The following SOX6 variants were observed in gnomAD, a reference collection of about 807,000 sequenced individuals.
The protein encoded by SOX6 is SRY-box transcription factor 6, also known as transcription factor SOX-6.
SOX6 carries 11 observed loss-of-function variants against 97.8 expected under a neutral mutation model. The observed-to-expected ratio is 0.11, with a 90% CI of 0.07 to 0.19. The LOEUF (loss-of-function observed/expected upper bound fraction) is 0.19. Among genes scored for constraint, SOX6 ranks in the 10% least tolerant of loss-of-function variants. SOX6 has a pLI of 1.00. For missense variants in SOX6, 810 were observed against 1,039.5 expected, an observed-to-expected ratio of 0.78 and a Z score of 3.04; for synonymous variants, 360 against 371.4, an observed-to-expected ratio of 0.97 and a Z score of 0.35.
chr11:16,483,843 A>G (rs1470248283), intron 4 of SOX6, among the ~76,000 whole-genome samples: 1 of 152,212 alleles, frequency 6.6e-6, no homozygotes, highest in Non-Finnish European at 1.5e-5. Flanking sequence ...CTGGCTGCTC[A>G]GTTCAAAGTT....
chr11:16,222,186 G>A (rs1197200916), intron 4 of SOX6, among the ~76,000 whole-genome samples: 1 of 152,024 alleles, frequency 6.6e-6, no homozygotes, highest in Non-Finnish European at 1.5e-5. Flanking sequence ...GTAAACCAAT[G>A]CCACTCTTCT....
At chr11:16,507,611 C>T (rs1256820712) in intron 4 of SOX6, among the ~76,000 whole-genome samples, 2 of 152,114 alleles carry the variant, frequency 1.3e-5, no homozygotes, top group Admixed American at 1.3e-4. Flanking sequence ...AATAAACCCA[C>T]ATATTTACAG....
At chr11:16,114,508 C>A (rs1269682259) in intron 6 of SOX6, among the ~76,000 whole-genome samples, 1 of 152,186 alleles carries the variant, frequency 6.6e-6, no homozygotes, top group Non-Finnish European at 1.5e-5. Flanking sequence ...GTGTTCCTTT[C>A]TTATATGGTT....
At position 15,968,776 on chromosome 11, in the gene SOX6, C is replaced by A. The variant is rs933471537; in HGVS notation, c.*4033G>T. The stretch of plus-strand genomic sequence containing the variant: ...CCCACACCTGAATTTAGAACTTGGC[C>A]TGGGCTTTGGTGTCAGGACCCTGGC... On this transcript the variant is annotated 3_prime_UTR_variant, in exon 16 of 16. Transcript: ENST00000683767. 5 of 152,230 alleles carry A rather than the reference C, an allele frequency of 3.3e-5. No individual in the cohort carries two copies. The highest frequency in any genetic ancestry group is 1.2e-4 in the African/African-American group (5 of 41,450). The allele number at this position is 152,230 out of a possible 1,614,324, so 9.4% of individuals were successfully genotyped here. A position where few individuals can be genotyped will look rare whatever the true frequency, so the allele number is the denominator to read the frequency against.
chr11:16,095,899 G>C (rs1312240423), intron 9 of SOX6, 97 bp downstream of exon 9: 34 of 1,311,732 alleles, frequency 2.6e-5, no homozygotes, highest in Non-Finnish European at 3.3e-5. Flanking sequence ...TGTTTAGGTT[G>C]AGTGTTTGCC....
intron 4 of SOX6, among the ~76,000 whole-genome samples, chr11:16,545,023 C>A (rs146224223): frequency 4.6e-5 from 7 of 152,052 alleles, no homozygotes; most frequent in Non-Finnish European, 8.8e-5. Context: ...AGGAGTTCAA[C>A]ACCAGCCTAG....
chr11:16,475,997 T>C (rs1396219422), intron 1 of SOX6, among the ~76,000 whole-genome samples: 2 of 152,136 alleles, frequency 1.3e-5, no homozygotes, highest in Admixed American at 6.5e-5. Flanking sequence ...CACGTGTATA[T>C]AGACTAGACT....
intron 15 of SOX6, among the ~76,000 whole-genome samples, chr11:15,982,056 T>C (rs922817945): frequency 6.6e-6 from 1 of 151,890 alleles, no homozygotes; most frequent in Admixed American, 6.6e-5. Flanking sequence ...TATTAGTTCC[T>C]ACAGCCAAGA....
In SOX6 at chr11:16,014,969, C is replaced by T. The variant is rs1167384686; in HGVS notation, c.1705G>A (p.Asp569Asn). 3 of 1,612,898 alleles carry T rather than the reference C, an allele frequency of 1.9e-6. No individual in the cohort carries two copies. Among genetic ancestry groups the T allele is most frequent in the African/African-American group, 1.3e-5 (1 of 74,928 alleles). ...TCTGCATCTTCTGGCCGAGTAAGGT[C>T]GATGACACCTGGGCCCAGTTTTCCA... ...EDGKLGPGVI[D>N]LTRPEDAEGS... is the part of the protein sequence containing the mutation. The change falls in exon 13 of 16, where the codon GAC (aspartate) becomes AAC (asparagine). Residue 569 changes from aspartate (D) to asparagine (N), a missense_variant. Physicochemically the swap from Asp to Asn is conservative, Grantham distance 23. Transcript: ENST00000683767.
chr11:16,261,731 G>A (rs1853904606), intron 3 of SOX6, among the ~76,000 whole-genome samples: 1 of 151,946 alleles, frequency 6.6e-6, no homozygotes, highest in Admixed American at 6.6e-5. Context: ...TTCTGTCAGA[G>A]TTAAGGTGGT....
At position 16,010,125 on chromosome 11, in the gene SOX6, TACACACACACAC is replaced by T. The variant is rs67556517; in HGVS notation, c.1732+4805_1732+4816del. Among the ~76,000 whole-genome samples the T allele has an allele frequency of 2.3e-3, 307 of 135,426 alleles. 1 individual carries two copies. The highest frequency in any genetic ancestry group is 3.9e-3 in the Admixed American group (53 of 13,502). The allele number at this position is 135,426 out of a possible 152,430, so 88.8% of individuals were successfully genotyped here. ...TATAAAACTTAGAAGCAGTTGGAGC[TACACACACACAC>T]ACACACACACACACACACACACACA... is the stretch of plus-strand genomic sequence containing the variant. On this transcript the variant is annotated intron_variant, in intron 13 of 15. Coordinates refer to ENST00000683767, the MANE Select transcript of SOX6 (RefSeq NM_001367873.1).
At chr11:16,522,879 A>C (rs975314070) in intron 4 of SOX6, among the ~76,000 whole-genome samples, 1 of 152,234 alleles carries the variant, frequency 6.6e-6, no homozygotes, top group African/African-American at 2.4e-5. Flanking sequence ...CAAAAGAGAC[A>C]AAGAAGGCCA....
At chr11:16,563,286 T>G (rs1414328264) in intron 4 of SOX6, among the ~76,000 whole-genome samples, 1 of 151,904 alleles carries the variant, frequency 6.6e-6, no homozygotes, top group Admixed American at 6.6e-5. Flanking sequence ...CAATAGTAAA[T>G]TTTTTAAAAT....
chr11:16,692,099 GCTTT>G (rs1564870379), intron 3 of SOX6, among the ~76,000 whole-genome samples: 1 of 141,670 alleles, frequency 7.1e-6, no homozygotes, highest in African/African-American at 2.6e-5. Flanking sequence ...GCGCGCGCGC[GCTTT>G]CTGAGTCTTG....
At chr11:16,713,967 T>G (rs1848199308) in intron 3 of SOX6, among the ~76,000 whole-genome samples, 1 of 152,174 alleles carries the variant, frequency 6.6e-6, no homozygotes, top group Non-Finnish European at 1.5e-5. Context: ...TGTGAATATG[T>G]TTTTTAATTG....
chr11:16,606,149 C>T (rs1848331190), intron 4 of SOX6, among the ~76,000 whole-genome samples: 1 of 151,888 alleles, frequency 6.6e-6, no homozygotes, highest in African/African-American at 2.4e-5. Flanking sequence ...CCCCTAGTCT[C>T]GGTGTGACTA....
At chr11:16,174,542 C>T (rs1431588736) in intron 6 of SOX6, among the ~76,000 whole-genome samples, 1 of 151,810 alleles carries the variant, frequency 6.6e-6, no homozygotes, top group East Asian at 1.9e-4. Context: ...GTCAGTACAT[C>T]CCCTCAGCAT....
chr11:16,342,936 G>A (rs912896772), intron 1 of SOX6, among the ~76,000 whole-genome samples: 2 of 151,710 alleles, frequency 1.3e-5, no homozygotes, highest in African/African-American at 2.4e-5. Flanking sequence ...ATAAAATGGG[G>A]GAAAGGGAAT....
At position 16,278,928 on chromosome 11, in the gene SOX6, T is replaced by A. The variant is rs529595437; in HGVS notation, c.445+39518A>T. Among the ~76,000 whole-genome samples, 170 of 152,146 alleles carry A rather than the reference T, an allele frequency of 1.1e-3. 1 individual carries two copies. The highest frequency in any genetic ancestry group is 1.9e-3 in the Non-Finnish European group (132 of 67,964). ...ATTTTCCTATTCTTGGATGTATAGG[T>A]TCAAATGGTAAATGATGAGTTGATG... On this transcript the variant is annotated intron_variant, in intron 3 of 15. Coordinates refer to ENST00000683767, the MANE Select transcript of SOX6 (RefSeq NM_001367873.1).
Sources: allele counts gnomAD v4.1 joint callset (sites outside exome capture counted in the v4.1 genomes callset), GRCh38; gene constraint gnomAD v4.1.1; transcripts MANE v1.5; gene names NCBI Gene and HGNC (gene_info 2026-07-23, HGNC 2026-07-21).